The following KCNH8 variants were observed in gnomAD, a reference collection of about 807,000 sequenced individuals.
KCNH8 encodes potassium voltage-gated channel subfamily H member 8.
KCNH8 carries 70 observed loss-of-function variants against 103.6 expected under a neutral mutation model. The observed-to-expected ratio is 0.68, with a 90% confidence interval of 0.56 to 0.82. The LOEUF (loss-of-function observed/expected upper bound fraction) is 0.82, where lower values mean the gene tolerates loss of function less well. Among genes scored for constraint, KCNH8 ranks in the 40% least tolerant of loss-of-function variants. The pLI, the probability that KCNH8 is intolerant of heterozygous loss-of-function variation, is 0.00. For missense variants in KCNH8, 1,217 were observed against 1,329.9 expected (o/e 0.92, Z 1.32); for synonymous variants, 498 against 489.4 (o/e 1.02, Z -0.23).
At chr3:19,256,711 G>T (rs1030560986) in intron 2 of KCNH8, among the ~76,000 whole-genome samples, 1 of 152,020 alleles carries the variant, frequency 6.6e-6, no homozygotes, top group Non-Finnish European at 1.5e-5. Context: ...AAAGTATGGC[G>T]TACAGGTTGG....
intron 5 of KCNH8, among the ~76,000 whole-genome samples, chr3:19,371,624 A>G (rs1322535966): frequency 6.7e-6 from 1 of 149,992 alleles, no homozygotes; most frequent in Non-Finnish European, 1.5e-5. Context: ...ATTAGATCCC[A>G]TTTGTCAATT....
intron 1 of KCNH8, among the ~76,000 whole-genome samples, chr3:19,229,336 C>T (rs2125236980): frequency 6.6e-6 from 1 of 152,332 alleles, no homozygotes; most frequent in East Asian, 1.9e-4. Flanking sequence ...TCCATGAGTG[C>T]CCTACCCCTG....
chr3:19,167,319 G>A (rs934916266), intron 1 of KCNH8, among the ~76,000 whole-genome samples: 1 of 152,078 alleles, frequency 6.6e-6, no homozygotes, highest in African/African-American at 2.4e-5. Context: ...AAGCAATGTT[G>A]GTTTTGCTAA....
chr3:19,288,216 T>C (rs1156249740), intron 3 of KCNH8, among the ~76,000 whole-genome samples: 1 of 141,130 alleles, frequency 7.1e-6, no homozygotes, highest in Non-Finnish European at 1.5e-5. Context: ...TTTTTTAGTA[T>C]TAAAGCTAGT....
chr3:19,326,078 G>T (rs1366727917), intron 3 of KCNH8, among the ~76,000 whole-genome samples: 1 of 151,968 alleles, frequency 6.6e-6, no homozygotes, highest in Admixed American at 6.6e-5. Flanking sequence ...GCAAACTAAT[G>T]CAGGAACACA....
chr3:19,519,308 G>A (rs549385001), intron 15 of KCNH8, among the ~76,000 whole-genome samples: 1 of 151,950 alleles, frequency 6.6e-6, no homozygotes, highest in South Asian at 2.1e-4. Flanking sequence ...ACACTTTGGG[G>A]AAAATGTAAT....
At chr3:19,279,193 T>A (rs964863856) in intron 2 of KCNH8, among the ~76,000 whole-genome samples, 3 of 152,132 alleles carry the variant, frequency 2.0e-5, no homozygotes, top group Non-Finnish European at 2.9e-5. Flanking sequence ...TGAAAAAGGC[T>A]CCCAGTCTGA....
chr3:19,532,003 C>T (rs895560283), intron 15 of KCNH8, among the ~76,000 whole-genome samples: 1 of 152,146 alleles, frequency 6.6e-6, no homozygotes, highest in African/African-American at 2.4e-5. Context: ...TAACCAAAGA[C>T]TAGAAAATAC....
intron 8 of KCNH8, 142 bp downstream of exon 8, chr3:19,438,503 A>G (rs971923419): frequency 5.2e-5 from 37 of 708,134 alleles, no homozygotes; most frequent in Non-Finnish European, 8.5e-5. Flanking sequence ...GACAGTCTAG[A>G]TGCAAAGCTG....
At chr3:19,397,347 T>C (rs2066535293) in intron 7 of KCNH8, among the ~76,000 whole-genome samples, 1 of 151,748 alleles carries the variant, frequency 6.6e-6, no homozygotes, top group South Asian at 2.1e-4. Flanking sequence ...AGCTGTCAGA[T>C]TTGCAATATT....
chr3:19,489,196 G>A (rs539035198), intron 11 of KCNH8, among the ~76,000 whole-genome samples: 34 of 152,246 alleles, frequency 2.2e-4, no homozygotes, highest in African/African-American at 7.9e-4. Flanking sequence ...AGGTGGAGGT[G>A]CTGTGGGTTC....
At chr3:19,518,390 T>C (rs1012572331) in intron 15 of KCNH8, among the ~76,000 whole-genome samples, 2 of 152,058 alleles carry the variant, frequency 1.3e-5, no homozygotes, top group East Asian at 1.9e-4. Flanking sequence ...TTTGGTTTAA[T>C]TGGTACATTT....
chr3:19,201,231 CAAA>C (rs1170312203), intron 1 of KCNH8, among the ~76,000 whole-genome samples: 249 of 21,934 alleles, frequency 0.011, 1 homozygote, highest in African/African-American at 0.043. Context: ...GACTCTGCCT[CAAA>C]AAAAAAAAAA....
chr3:19,276,262 GTTATT>G (rs2064670142), intron 2 of KCNH8, among the ~76,000 whole-genome samples: 1 of 151,496 alleles, frequency 6.6e-6, no homozygotes, highest in African/African-American at 2.4e-5. Context: ...TGGCAAGCCT[GTTATT>G]TTATCATTAA....
At chr3:19,192,875 T>G (rs2063566639) in intron 1 of KCNH8, among the ~76,000 whole-genome samples, 1 of 151,704 alleles carries the variant, frequency 6.6e-6, no homozygotes, top group Non-Finnish European at 1.5e-5. Context: ...CTTGCTTCAG[T>G]TTGAAATTCT....
intron 2 of KCNH8, among the ~76,000 whole-genome samples, chr3:19,261,200 A>G (rs1027159923): frequency 5.9e-5 from 9 of 151,616 alleles, no homozygotes; most frequent in East Asian, 1.9e-4. Flanking sequence ...GGCTTCACCA[A>G]TCTACATTCC....
intron 3 of KCNH8, among the ~76,000 whole-genome samples, chr3:19,300,718 A>T (rs1200328265): frequency 2.0e-5 from 3 of 152,058 alleles, no homozygotes; most frequent in Non-Finnish European, 4.4e-5. Context: ...TTAGGTCAGG[A>T]TATGACTTTT....
At chr3:19,206,887 G>A (rs1165829674) in intron 1 of KCNH8, among the ~76,000 whole-genome samples, 3 of 152,096 alleles carry the variant, frequency 2.0e-5, no homozygotes, top group East Asian at 3.9e-4. Context: ...GAGAGATACT[G>A]GGATGGAAAA....
chr3:19,361,211 C>T (rs1050295695), intron 5 of KCNH8, among the ~76,000 whole-genome samples: 1 of 151,988 alleles, frequency 6.6e-6, no homozygotes, highest in Non-Finnish European at 1.5e-5. Flanking sequence ...AAAAAGAAGT[C>T]ATGAAATTAA....
Sources: gnomAD v4.1 joint callset for allele counts (sites outside exome capture counted in the v4.1 genomes callset) on GRCh38, gnomAD v4.1.1 for gene constraint, MANE v1.5 for transcripts, NCBI Gene and HGNC (gene_info 2026-07-23, HGNC 2026-07-21) for gene names.